Variants in TMC5 observed in about 807,000 individuals in gnomAD.
TMC5 encodes transmembrane channel like 5, also known as transmembrane channel-like protein 5.
In TMC5, 86 loss-of-function variants were observed where a neutral mutation model predicts 110.5. The observed-to-expected ratio is 0.78, with a 90% CI of 0.65 to 0.93. The LOEUF (loss-of-function observed/expected upper bound fraction) is 0.93, where lower values mean the gene tolerates loss of function less well. Among genes scored for constraint, TMC5 ranks in the 40% least tolerant of loss-of-function variants. The pLI is 0.00. For missense variants in TMC5, 1,144 were observed against 1,222.8 expected (o/e 0.94, Z 0.96); for synonymous variants, 455 against 439.5 (o/e 1.04, Z -0.44).
rs574347039 is a variant in TMC5 at position 19,470,197 on chromosome 16, T to TG, written c.1782+372_1782+373insG. On this transcript the variant is annotated intron_variant, in intron 10 of 21. Coordinates refer to ENST00000542583, the MANE Select transcript of TMC5 (RefSeq NM_001261841.2). ...GCGTAAGCCACCGCGCCCAGCTGTT[T>TG]TTTTTTTTTTTAACGGAATCTCACT... Among the ~76,000 whole-genome samples the TG allele has an allele frequency of 1.5e-3, 222 of 148,960 alleles. 4 individuals carry two copies. Among genetic ancestry groups the TG allele is most frequent in the East Asian group, 0.014 (70 of 5,056 alleles).
intron 5 of TMC5, chr16:19,456,689 G>T: frequency 1.3e-6 from 2 of 1,594,884 alleles, no homozygotes; most frequent in Non-Finnish European, 1.7e-6. Context: ...GGAGAAGAAG[G>T]CTTGCAGGAG....
chr16:19,414,805 G>A (rs1966868696), upstream of TMC5, among the ~76,000 whole-genome samples: 1 of 151,998 alleles, frequency 6.6e-6, no homozygotes, highest in Admixed American at 6.6e-5. Flanking sequence ...CAGAGCCTTG[G>A]GAAGCTGAGG....
In TMC5 at chr16:19,421,448, C is replaced by A. The variant is rs985301943; in HGVS notation, c.-308+3356C>A. Among the ~76,000 whole-genome samples the A allele has an allele frequency of 4.6e-5, 7 of 152,240 alleles. No homozygotes were observed. The South Asian group carries it at 6.2e-4, about 14-fold the overall frequency. On this transcript the variant is annotated intron_variant, in intron 1 of 21. Transcript: ENST00000542583. ...CAGTTCCCCTGCACACACGCTCTTG[C>A]CTGCCGCCATGTAAGATGTGCCTTT...
At chr16:19,413,259 C>G (rs938983886), upstream of TMC5, among the ~76,000 whole-genome samples, 1 of 151,868 alleles carries the variant, frequency 6.6e-6, no homozygotes, top group African/African-American at 2.4e-5. Flanking sequence ...CATGGTTACT[C>G]AAGCCTGTAT....
chr16:19,475,503 G>C lies in TMC5; in HGVS notation c.2090+1227G>C, dbSNP rs73542108. On this transcript the variant is annotated intron_variant, in intron 12 of 21. Coordinates refer to ENST00000542583, the MANE Select transcript of TMC5 (RefSeq NM_001261841.2). Reference sequence around the variant, plus strand: ...AGTTCCAGAGCCCTTGCCTTACCACGGTCTGTGAGATCCGGCTCCCGGCCA... The same window carrying C: ...AGTTCCAGAGCCCTTGCCTTACCACCGTCTGTGAGATCCGGCTCCCGGCCA... 5.4e-3 allele frequency among the ~76,000 whole-genome samples: 811 copies of C among 151,580 alleles called. 7 individuals carry two copies. Among genetic ancestry groups the C allele is most frequent in the African/African-American group, 0.018 (750 of 41,356 alleles).
intron 5 of TMC5, chr16:19,456,658 T>G: frequency 6.4e-7 from 1 of 1,569,428 alleles, no homozygotes; most frequent in Non-Finnish European, 8.6e-7. Flanking sequence ...CTGTATGAAG[T>G]CTCAGGAAGC....
At position 19,498,001 on chromosome 16, in the gene TMC5, G is replaced by A; in HGVS notation, c.*35G>A. The A allele has an allele frequency of 6.2e-7, 1 of 1,600,934 alleles. No individual in the cohort carries two copies. Among genetic ancestry groups the A allele is most frequent in the Non-Finnish European group, 8.6e-7 (1 of 1,168,072 alleles). On this transcript the variant is annotated 3_prime_UTR_variant, in exon 22 of 22. Coordinates refer to ENST00000542583, the MANE Select transcript of TMC5 (RefSeq NM_001261841.2). Reference sequence around the variant, plus strand: ...TGGTAACCAGACACCAATCAAATAAGGGGAGGAGACGAAAATGGAATGATT... The same window carrying A: ...TGGTAACCAGACACCAATCAAATAAAGGGAGGAGACGAAAATGGAATGATT...
chr16:19,433,638 T>C (rs981876099), intron 2 of TMC5, among the ~76,000 whole-genome samples: 1 of 151,980 alleles, frequency 6.6e-6, no homozygotes, highest in African/African-American at 2.4e-5. Context: ...CTTGAAAAAC[T>C]GGTATACTTC....
At chr16:19,472,389 G>T in intron 11 of TMC5, 146 bp downstream of exon 11, 2 of 909,410 alleles carry the variant, frequency 2.2e-6, no homozygotes, top group Non-Finnish European at 3.3e-6. Context: ...AAAATGCAGG[G>T]GTGAGGCACA....
chr16:19,456,206 CA>C (rs1327242387), intron 5 of TMC5, among the ~76,000 whole-genome samples: 8 of 125,012 alleles, frequency 6.4e-5, no homozygotes, highest in East Asian at 2.2e-4. Context: ...GACTCCATCT[CA>C]AAAAAAAAAA....
chr16:19,444,135 C>A lies in TMC5; in HGVS notation c.843C>A (p.Asp281Glu), dbSNP rs775491832. 28 of 1,613,998 alleles carry A rather than the reference C, an allele frequency of 1.7e-5. No individual in the cohort carries two copies. The highest frequency in any genetic ancestry group is 4.0e-5 in the African/African-American group (3 of 74,902). ...CCTCATTTCGTCACAGGAGTGATGA[C>A]CCCGTGGGCAGTCTTTGGGGAGAGA... ...IQPSFRHRSD[D>E]PVGSLWGEND... The change falls in exon 4 of 22, where the codon GAC becomes GAA. Residue 281 changes from aspartate to glutamate, a missense_variant. Physicochemically the swap from Asp to Glu is conservative, Grantham distance 45. Coordinates refer to ENST00000542583, the MANE Select transcript of TMC5 (RefSeq NM_001261841.2).
chr16:19,476,258 A>T (rs1351471766), intron 12 of TMC5, among the ~76,000 whole-genome samples: 1 of 151,924 alleles, frequency 6.6e-6, no homozygotes, highest in African/African-American at 2.4e-5. Flanking sequence ...GAGGTGGGAG[A>T]AGTGCTTGAG....
rs1968359763 is a variant in TMC5 at position 19,472,158 on chromosome 16, C to T, written c.1853C>T (p.Ala618Val). Residue 618 changes from alanine to valine, a missense_variant, in exon 11 of 22, where the codon GCC becomes GTC. Coordinates refer to ENST00000542583, the MANE Select transcript of TMC5 (RefSeq NM_001261841.2). ...AATCAGCTGCTGACCCGCTTCTCTG[C>T]CTACATGGTAGCCTGGGTTGTCTCT... ...TFNQLLTRFS[A>V]YMVAWVVSTG... 3.7e-6 allele frequency: 6 copies of T among 1,614,076 alleles called. No individual in the cohort carries two copies. Among genetic ancestry groups the T allele is most frequent in the Non-Finnish European group, 5.1e-6 (6 of 1,180,052 alleles).
intron 17 of TMC5, among the ~76,000 whole-genome samples, 198 bp from the exon 18 acceptor site, chr16:19,490,197 T>C (rs961222514): frequency 6.6e-6 from 1 of 152,168 alleles, no homozygotes; most frequent in African/African-American, 2.4e-5. Flanking sequence ...GGGTCAGCTC[T>C]GATCTGAGAG....
chr16:19,433,924 G>T (rs1416208878), intron 2 of TMC5, among the ~76,000 whole-genome samples: 1 of 145,660 alleles, frequency 6.9e-6, no homozygotes, highest in Non-Finnish European at 1.5e-5. Context: ...TGGCTCAAGC[G>T]ATCCTCCCGC....
intron 3 of TMC5, 53 bp downstream of exon 3, chr16:19,440,879 A>G: frequency 6.5e-7 from 1 of 1,539,512 alleles, no homozygotes. Context: ...GTGCTGAATC[A>G]TTAAGTCAAT....
intron 1 of TMC5, among the ~76,000 whole-genome samples, chr16:19,423,151 T>C (rs560013349): frequency 6.6e-6 from 1 of 152,292 alleles, no homozygotes; most frequent in African/African-American, 2.4e-5. Context: ...TGTTTCATTG[T>C]TTATAATTTG....
chr16:19,472,332 C>G (rs1228277097), intron 11 of TMC5, 89 bp downstream of exon 11: 1 of 1,468,358 alleles, frequency 6.8e-7, no homozygotes, highest in Non-Finnish European at 9.4e-7. Flanking sequence ...TACGGTTCAA[C>G]CCAGGATCTA....
At chr16:19,469,910 TTTG>T in intron 10 of TMC5, 85 bp downstream of exon 10, 1 of 1,462,548 alleles carries the variant, frequency 6.8e-7, no homozygotes, top group Non-Finnish European at 9.2e-7. Context: ...TTTTTTTTTT[TTTG>T]AATTGGAGTC....
Sources: allele counts gnomAD v4.1 joint callset (sites outside exome capture counted in the v4.1 genomes callset), GRCh38; gene constraint gnomAD v4.1.1; transcripts MANE v1.5; gene names NCBI Gene and HGNC (gene_info 2026-07-23, HGNC 2026-07-21).